WDR7: variants seen among roughly 807,000 people sequenced by gnomAD.
WDR7 encodes WD repeat domain 7, also known as WD repeat-containing protein 7.
A neutral mutation model predicts 169.4 loss-of-function variants in WDR7; 46 were observed. The observed-to-expected ratio is 0.27, with a 90% CI of 0.21 to 0.35. The LOEUF is 0.35. WDR7 is among the 10% of genes least tolerant of loss of function. The pLI, the probability that WDR7 is intolerant of heterozygous loss-of-function variation, is 1.00. For missense variants in WDR7, 1,534 were observed against 1,859.3 expected (o/e 0.83, Z 3.22); for synonymous variants, 612 against 666.8 (o/e 0.92, Z 1.27).
intron 26 of WDR7, among the ~76,000 whole-genome samples, chr18:57,001,500 T>C (rs1279132240): frequency 1.3e-5 from 2 of 152,210 alleles, no homozygotes; most frequent in Admixed American, 6.5e-5. Flanking sequence ...CAACTCACTC[T>C]TTCCTGATGT....
rs375892023 is a variant in WDR7 at position 57,026,870 on chromosome 18, GT to G, written c.4270-132del. 626 of 921,548 alleles carry G rather than the reference GT, an allele frequency of 6.8e-4. 15 individuals are homozygous for G. The South Asian group carries it at 0.01, about 15-fold the overall frequency. 57.1% of individuals were successfully genotyped at this position (921,548 alleles called of 1,614,324 possible). On this transcript the variant is annotated intron_variant, in intron 27 of 27. Transcript: ENST00000254442. ...GCACACTGAAAGGAACTTTTGAGAG[GT>G]TAAGAACAAGCTTAGGTGAAGGAGA...
At position 56,935,828 on chromosome 18, in the gene WDR7, G is replaced by T; in HGVS notation, c.3754G>T (p.Ala1252Ser). ...GLPLSPAADS[A>S]RSARHALSLI... is the part of the protein sequence containing the mutation. ...GCCTCTGAGCCCAGCAGCTGACTCGGCCCGCTCTGCGAGGCATGCCCTCTC... is the reference window on the plus strand; with the variant it reads ...GCCTCTGAGCCCAGCAGCTGACTCGTCCCGCTCTGCGAGGCATGCCCTCTC... The change falls in exon 23 of 28, where the codon GCC becomes TCC. Residue 1252 changes from alanine (A) to serine (S), a missense_variant. Coordinates refer to ENST00000254442, the MANE Select transcript of WDR7 (RefSeq NM_015285.3). 6.2e-7 allele frequency: 1 copy of T among 1,614,020 alleles called. No homozygotes were observed. Among genetic ancestry groups the T allele is most frequent in the South Asian group, 1.1e-5 (1 of 91,068 alleles).
At position 56,724,272 on chromosome 18, in the gene WDR7, C is replaced by G. The variant is rs552166646; in HGVS notation, c.1774+6113C>G. On this transcript the variant is annotated intron_variant, in intron 13 of 27. Transcript: ENST00000254442. The stretch of plus-strand genomic sequence containing the variant: ...TGTTGCCCAGGCTGGAGTGCAGTGG[C>G]CCAATCTCAGTTCACTGCAGTCTCT... Among the ~76,000 whole-genome samples the G allele has an allele frequency of 2.2e-5, 3 of 136,472 alleles. 1 individual carries two copies. In the South Asian group the frequency reaches 7.1e-4, roughly 32 times the overall value. The allele number at this position is 136,472 out of a possible 152,430, so 89.5% of individuals were successfully genotyped here.
intron 16 of WDR7, among the ~76,000 whole-genome samples, chr18:56,759,286 A>G (rs138323157): frequency 2.4e-4 from 37 of 152,282 alleles, no homozygotes; most frequent in Admixed American, 9.2e-4. Flanking sequence ...AACTACATTT[A>G]TAAATGCTTA....
At chr18:57,010,204 A>C (rs1437067) in intron 26 of WDR7, 251,504 of 985,228 alleles carry the variant, frequency 0.26, 33,914 homozygotes, top group East Asian at 0.78. Flanking sequence ...GAAATACTGA[A>C]AAAAACATTT....
chr18:56,816,509 C>G (rs1402474116), intron 20 of WDR7, among the ~76,000 whole-genome samples: 2 of 152,142 alleles, frequency 1.3e-5, no homozygotes, highest in Non-Finnish European at 2.9e-5. Flanking sequence ...CTAAAAAATA[C>G]TAAAATTTAA....
At chr18:56,707,083 C>T (rs1003552250) in intron 12 of WDR7, among the ~76,000 whole-genome samples, 3 of 151,620 alleles carry the variant, frequency 2.0e-5, no homozygotes, top group Non-Finnish European at 2.9e-5. Flanking sequence ...CTGGTTCAAG[C>T]GATTCTCTTG....
chr18:56,971,662 A>G (rs372406024), intron 26 of WDR7, among the ~76,000 whole-genome samples: 5 of 152,174 alleles, frequency 3.3e-5, no homozygotes, highest in East Asian at 3.9e-4. Context: ...AGGAGAGGAT[A>G]TCTGAACTGA....
intron 19 of WDR7, among the ~76,000 whole-genome samples, chr18:56,805,686 G>A (rs1400835088): frequency 1.3e-5 from 2 of 151,764 alleles, no homozygotes; most frequent in Middle Eastern, 3.4e-3. Flanking sequence ...CAAATCTCAG[G>A]TATTGAAGTT....
intron 26 of WDR7, among the ~76,000 whole-genome samples, chr18:56,994,095 T>C (rs2047860475): frequency 6.6e-6 from 1 of 151,572 alleles, no homozygotes; most frequent in Admixed American, 6.6e-5. Flanking sequence ...TCTTGGCTCA[T>C]TGCAGCCTCG....
chr18:56,890,895 G>C (rs577616915), intron 21 of WDR7: 25 of 152,304 alleles, frequency 1.6e-4, no homozygotes, highest in African/African-American at 6.0e-4. Flanking sequence ...TGTTTAGACA[G>C]TGACTCTTCA....
At chr18:56,720,529 G>C (rs905242845) in intron 13 of WDR7, among the ~76,000 whole-genome samples, 4 of 152,158 alleles carry the variant, frequency 2.6e-5, no homozygotes, top group African/African-American at 9.7e-5. Context: ...TAGTAAACTT[G>C]TCTGGGACTT....
chr18:56,795,941 T>C (rs923421395), intron 19 of WDR7, among the ~76,000 whole-genome samples: 1 of 152,206 alleles, frequency 6.6e-6, no homozygotes, highest in Admixed American at 6.5e-5. Flanking sequence ...AGCTAATATC[T>C]CCAACATAAT....
rs1437011787 is a variant in WDR7 at position 56,979,208 on chromosome 18, G to A, written c.4164+16679G>A. ...GTCTATATACTCCTATATTTGCTTTGAAATATTACCTAAAATCATAACATT... is the reference window on the plus strand; with the variant it reads ...GTCTATATACTCCTATATTTGCTTTAAAATATTACCTAAAATCATAACATT... On this transcript the variant is annotated intron_variant, in intron 26 of 27. Transcript: ENST00000254442. Among the ~76,000 whole-genome samples, 3 of 152,088 alleles carry A rather than the reference G, an allele frequency of 2.0e-5. No individual in the cohort carries two copies. In the East Asian group the frequency reaches 5.8e-4, roughly 29 times the overall value.
chr18:57,003,421 T>C (rs1262905192), intron 26 of WDR7, among the ~76,000 whole-genome samples: 2 of 152,096 alleles, frequency 1.3e-5, no homozygotes, highest in Non-Finnish European at 2.9e-5. Flanking sequence ...AAGCACTCTT[T>C]TTAAAGTCCT....
At chr18:56,793,226 C>T (rs2044523571) in intron 19 of WDR7, among the ~76,000 whole-genome samples, 1 of 152,136 alleles carries the variant, frequency 6.6e-6, no homozygotes, top group Non-Finnish European at 1.5e-5. Flanking sequence ...AATGTGATAA[C>T]CTATCAGACA....
rs559896725 is a variant in WDR7, at chr18:57,009,355, A to ATT, written c.4165-11390_4165-11389insTT. On this transcript the variant is annotated intron_variant, in intron 26 of 27. Transcript: ENST00000254442. Reference sequence around the variant, plus strand: ...GGTATTCATTCTAGATCAGTCTCTAAGAAGTCACCATCATCAAGGGAATTC... The same window carrying ATT: ...GGTATTCATTCTAGATCAGTCTCTAATTGAAGTCACCATCATCAAGGGAATTC... 4.8e-4 allele frequency among the ~76,000 whole-genome samples: 73 copies of ATT among 152,340 alleles called. No homozygotes were observed. The East Asian group carries it at 0.013, about 28-fold the overall frequency.
chr18:56,887,591 CTATTT>C (rs2046214183), intron 21 of WDR7, among the ~76,000 whole-genome samples: 1 of 151,914 alleles, frequency 6.6e-6, no homozygotes, highest in African/African-American at 2.4e-5. Flanking sequence ...TGTTCTTAGC[CTATTT>C]TATTTTAACT....
intron 12 of WDR7, among the ~76,000 whole-genome samples, chr18:56,703,712 A>G (rs970110790): frequency 3.9e-5 from 6 of 152,140 alleles, no homozygotes; most frequent in Non-Finnish European, 5.9e-5. Context: ...TTCTAAAGAC[A>G]TCATATTTGT....
Sources: gnomAD v4.1 joint callset for allele counts (sites outside exome capture counted in the v4.1 genomes callset) on GRCh38, gnomAD v4.1.1 for gene constraint, MANE v1.5 for transcripts, NCBI Gene and HGNC (gene_info 2026-07-23, HGNC 2026-07-21) for gene names.